Variants in CFAP221 observed in about 807,000 individuals in gnomAD.
The protein encoded by CFAP221 is cilia and flagella associated protein 221.
CFAP221 carries 97 observed loss-of-function variants against 113.1 expected under a neutral mutation model. The observed-to-expected ratio is 0.86, with a 90% confidence interval of 0.73 to 1.02. The LOEUF (loss-of-function observed/expected upper bound fraction) is 1.02, where lower values mean the gene tolerates loss of function less well. Ranked by LOEUF, CFAP221 falls within the 50% of genes least tolerant of loss-of-function variation. CFAP221 has a pLI of 0.00. For synonymous variants in CFAP221, 331 were observed against 354.4 expected, an observed-to-expected ratio of 0.93 and a Z score of 0.74; for missense variants, 1,025 against 1,013.4, an observed-to-expected ratio of 1.01 and a Z score of -0.16.
chr2:119,638,682 G>A (rs781354666), intron 20 of CFAP221, among the ~76,000 whole-genome samples: 13 of 152,132 alleles, frequency 8.5e-5, no homozygotes, highest in Admixed American at 4.6e-4. Context: ...TAATGTTCAC[G>A]TGTTTGTATT....
rs78567822 is a variant in CFAP221, at chr2:119,558,064, G to A, written c.241-1625G>A. Among the ~76,000 whole-genome samples, 249 of 151,514 alleles carry A rather than the reference G, an allele frequency of 1.6e-3. 5 individuals carry two copies. In the East Asian group the frequency reaches 0.043, roughly 26 times the overall value. On this transcript the variant is annotated intron_variant, in intron 3 of 23. Coordinates refer to ENST00000413369, the MANE Select transcript of CFAP221 (RefSeq NM_001271049.2). ...AAAACCAGCTTATGCACCCTTGTTT[G>A]TTGCAGTGTTCTTACTGAATTATTT...
intron 6 of CFAP221, chr2:119,581,082 G>T (rs1295982568): frequency 6.6e-6 from 1 of 152,152 alleles, no homozygotes; most frequent in East Asian, 1.9e-4. Context: ...AAAATAGCTG[G>T]CTGGCAGGAA....
intron 6 of CFAP221, among the ~76,000 whole-genome samples, chr2:119,569,490 C>A (rs1336405720): frequency 6.6e-6 from 1 of 151,840 alleles, no homozygotes; most frequent in Non-Finnish European, 1.5e-5. Context: ...GGGTTTTTTG[C>A]CTTTTTTTCT....
chr2:119,603,372 G>A (rs1684495093), intron 8 of CFAP221, among the ~76,000 whole-genome samples: 3 of 152,070 alleles, frequency 2.0e-5, no homozygotes, highest in African/African-American at 7.2e-5. Flanking sequence ...ACCTCAGTTC[G>A]CTACCTGGCT....
intron 11 of CFAP221, among the ~76,000 whole-genome samples, chr2:119,606,242 T>G (rs1270475622): frequency 1.3e-5 from 2 of 151,690 alleles, no homozygotes; most frequent in African/African-American, 4.9e-5. Flanking sequence ...GCTCAAGTAT[T>G]CTCCTGCTTG....
intron 12 of CFAP221, among the ~76,000 whole-genome samples, chr2:119,610,778 A>G (rs1306992809): frequency 6.6e-6 from 1 of 152,174 alleles, no homozygotes; most frequent in African/African-American, 2.4e-5. Context: ...ATTTTTATAA[A>G]CAGTATACTT....
chr2:119,630,800 C>T lies in CFAP221; in HGVS notation c.1873C>T (p.Gln625Ter). 1 of 1,613,154 alleles carries T rather than the reference C, an allele frequency of 6.2e-7. No homozygotes were observed. The highest frequency in any genetic ancestry group is 8.5e-7 in the Non-Finnish European group (1 of 1,179,176). ...CACCACCATCACAGCCCTTCCGAAACAGGACTCCACAACTCAGCTCTCTGG... is the reference window on the plus strand; with the variant it reads ...CACCACCATCACAGCCCTTCCGAAATAGGACTCCACAACTCAGCTCTCTGG... ...EVTTITALPK[Q>*]DSTTQLSGKT... The change falls in exon 19 of 24, where the codon CAG becomes TAG. Residue 625 changes from glutamine to a stop codon, truncating the protein, a stop_gained. Coordinates refer to ENST00000413369, the MANE Select transcript of CFAP221 (RefSeq NM_001271049.2). LOFTEE classifies it high-confidence loss of function.
At chr2:119,572,569 T>C in intron 6 of CFAP221, 1 of 701,274 alleles carries the variant, frequency 1.4e-6, no homozygotes, top group Non-Finnish European at 2.6e-6. Context: ...TGGTACCAGA[T>C]AACTAGTTGA....
At chr2:119,565,750 G>A (rs1177445760) in intron 6 of CFAP221, among the ~76,000 whole-genome samples, 7 of 152,058 alleles carry the variant, frequency 4.6e-5, no homozygotes, top group African/African-American at 9.7e-5. Context: ...TACCCTTAAC[G>A]TAATGGCTTA....
intron 21 of CFAP221, among the ~76,000 whole-genome samples, chr2:119,645,069 C>G (rs1027674250): frequency 8.1e-6 from 1 of 123,894 alleles, no homozygotes; most frequent in African/African-American, 3.1e-5. Flanking sequence ...TGGGTAATTT[C>G]TTTTTCTTTT....
At chr2:119,641,461 A>C (rs1259782122) in intron 21 of CFAP221, among the ~76,000 whole-genome samples, 1 of 152,192 alleles carries the variant, frequency 6.6e-6, no homozygotes, top group African/African-American at 2.4e-5. Context: ...ATGGCATGGA[A>C]GAGAGAAGGA....
chr2:119,587,746 AGTGGTCTACT>A (rs1481456735), intron 7 of CFAP221, among the ~76,000 whole-genome samples: 7 of 152,300 alleles, frequency 4.6e-5, no homozygotes, highest in Admixed American at 2.0e-4. Flanking sequence ...ATCTGTCCAC[AGTGGTCTACT>A]GTGGTCTACT....
intron 7 of CFAP221, among the ~76,000 whole-genome samples, chr2:119,600,125 C>T (rs965779164): frequency 7.9e-5 from 12 of 152,092 alleles, no homozygotes. Context: ...GAACATTCGT[C>T]CTCCAGTTTA....
chr2:119,608,585 A>G lies in CFAP221; in HGVS notation c.1217A>G (p.Tyr406Cys), dbSNP rs778821197. 1.2e-6 allele frequency: 2 copies of G among 1,610,318 alleles called. No individual in the cohort carries two copies. Among genetic ancestry groups the G allele is most frequent in the Non-Finnish European group, 1.7e-6 (2 of 1,176,848 alleles). ...TEEWQKACAK[Y>C]KLDRGDPILD... Reference sequence around the variant, plus strand: ...GAGTGGCAAAAAGCATGTGCCAAATATAAGGTCAGAGTTACTGCTAATTTG... The same window carrying G: ...GAGTGGCAAAAAGCATGTGCCAAATGTAAGGTCAGAGTTACTGCTAATTTG... The change falls in exon 12 of 24, where the codon TAT (tyrosine) becomes TGT (cysteine). Residue 406 changes from tyrosine (Y) to cysteine (C), a missense_variant. Tyr to Cys is a radical substitution (Grantham distance 194). Transcript: ENST00000413369.
At chr2:119,608,286 A>C (rs966637123) in intron 11 of CFAP221, among the ~76,000 whole-genome samples, 1 of 152,198 alleles carries the variant, frequency 6.6e-6, no homozygotes, top group African/African-American at 2.4e-5. Flanking sequence ...AGATGTTGTT[A>C]TTCATAACTA....
intron 21 of CFAP221, among the ~76,000 whole-genome samples, chr2:119,645,936 A>G (rs754941781): frequency 6.6e-6 from 1 of 152,102 alleles, no homozygotes; most frequent in Non-Finnish European, 1.5e-5. Flanking sequence ...TTCGGTTTTT[A>G]TTCCTTCTAT....
Position 119,562,045 on chromosome 2 carries a change from C to G in CFAP221, c.458C>G (p.Ala153Gly). Residue 153 changes from alanine to glycine, a missense_variant, in exon 6 of 24, where the codon GCC becomes GGC. Physicochemically the swap from Ala to Gly is moderately conservative, Grantham distance 60. Coordinates refer to ENST00000413369, the MANE Select transcript of CFAP221 (RefSeq NM_001271049.2). ...GDDTLLVPIH[A>G]YPVMNSLDFP... ...GACACTTTGCTTGTTCCTATTCATG[C>G]CTATCCAGTCATGAACTCACTAGAC... 1 of 1,535,064 alleles carries G rather than the reference C, an allele frequency of 6.5e-7. No individual in the cohort carries two copies. The highest frequency in any genetic ancestry group is 2.0e-5 in the Admixed American group (1 of 50,870).
intron 19 of CFAP221, among the ~76,000 whole-genome samples, chr2:119,636,739 TG>T (rs1295187704): frequency 1.3e-5 from 2 of 152,182 alleles, no homozygotes; most frequent in Non-Finnish European, 2.9e-5. Flanking sequence ...CACAAATCCT[TG>T]CAGCCGAGGT....
chr2:119,553,489 C>T (rs1049841942), intron 3 of CFAP221, among the ~76,000 whole-genome samples: 1 of 152,120 alleles, frequency 6.6e-6, no homozygotes, highest in African/African-American at 2.4e-5. Flanking sequence ...GGAAGATCAA[C>T]TTAGTGGAAT....
Sources: allele counts gnomAD v4.1 joint callset (sites outside exome capture counted in the v4.1 genomes callset), GRCh38; gene constraint gnomAD v4.1.1; transcripts MANE v1.5; gene names NCBI Gene and HGNC (gene_info 2026-07-23, HGNC 2026-07-21).